Variants in GLT8D2 observed in about 807,000 individuals in gnomAD.
GLT8D2 encodes glycosyltransferase 8 domain containing 2, also known as glycosyltransferase 8 domain-containing protein 2.
Under a neutral mutation model 44.5 loss-of-function variants are expected in GLT8D2, and 45 were observed. The ratio of observed to expected loss-of-function variants is 1.01; its 90% CI spans 0.80 to 1.30. The LOEUF (loss-of-function observed/expected upper bound fraction) is 1.30. GLT8D2 is among the 50% of genes most tolerant of loss of function. The pLI is 0.00. For missense variants in GLT8D2, 400 were observed against 430.4 expected, an observed-to-expected ratio of 0.93 and a Z score of 0.62; for synonymous variants, 156 against 157.2, an observed-to-expected ratio of 0.99 and a Z score of 0.06.
intron 8 of GLT8D2, among the ~76,000 whole-genome samples, chr12:103,994,907 A>G (rs1392188331): frequency 2.0e-5 from 3 of 151,926 alleles, no homozygotes; most frequent in African/African-American, 4.8e-5. Flanking sequence ...CCTATCCCAA[A>G]CCTGCTTCCC....
At chr12:104,004,991 G>C (rs1422704421) in intron 4 of GLT8D2, among the ~76,000 whole-genome samples, 2 of 152,120 alleles carry the variant, frequency 1.3e-5, no homozygotes, top group African/African-American at 2.4e-5. Context: ...ATACTACAAG[G>C]CTACAGTAAT....
intron 1 of GLT8D2, among the ~76,000 whole-genome samples, chr12:104,039,967 T>C (rs1214430769): frequency 6.6e-6 from 1 of 152,148 alleles, no homozygotes. Context: ...TATGCAGCCA[T>C]AAAAAAGGTG....
intron 10 of GLT8D2, 21 bp downstream of exon 10, chr12:103,993,371 C>G: frequency 6.4e-7 from 1 of 1,557,838 alleles, no homozygotes; most frequent in Non-Finnish European, 8.9e-7. Context: ...TTTTTCTAAA[C>G]AGTTTTTCTG....
At chr12:104,039,361 C>G (rs1880287123) in intron 1 of GLT8D2, among the ~76,000 whole-genome samples, 1 of 152,098 alleles carries the variant, frequency 6.6e-6, no homozygotes, top group Non-Finnish European at 1.5e-5. Flanking sequence ...AATAGGCAAC[C>G]TACACAATGG....
At chr12:104,011,134 T>C (rs1300408302) in intron 4 of GLT8D2, among the ~76,000 whole-genome samples, 2 of 152,204 alleles carry the variant, frequency 1.3e-5, no homozygotes, top group Non-Finnish European at 2.9e-5. Flanking sequence ...CTGGACAGAA[T>C]GAAGGACAAA....
At chr12:104,016,747 GAAAGAAAGAAAGAAAGAAAGAAA>G (rs1876737128) in intron 3 of GLT8D2, among the ~76,000 whole-genome samples, 1 of 100,494 alleles carries the variant, frequency 1.0e-5, no homozygotes, top group Admixed American at 1.2e-4. Context: ...AAGAAAGAAA[GAAAGAAAGAAAGAAAGAAAGAAA>G]GAAAGAAGGA....
At position 103,997,586 on chromosome 12, in the gene GLT8D2, T is replaced by G. The variant is rs750050968; in HGVS notation, c.403-51A>C. On this transcript the variant is annotated intron_variant, in intron 6 of 10. Transcript: ENST00000360814. ...GGTGGGGGAGAGGCATATGGCTTAGTGTCTTCTGGGGGTACTGGAGAGTCG... is the reference window on the plus strand; with the variant it reads ...GGTGGGGGAGAGGCATATGGCTTAGGGTCTTCTGGGGGTACTGGAGAGTCG... 6.9e-6 allele frequency: 9 copies of G among 1,303,488 alleles called. No homozygotes were observed. In the South Asian group the frequency reaches 8.3e-5, roughly 12 times the overall value. 80.7% of individuals were successfully genotyped at this position (1,303,488 alleles called of 1,614,324 possible).
At chr12:104,030,690 G>A (rs1879135994) in intron 1 of GLT8D2, 17 of 1,592,936 alleles carry the variant, frequency 1.1e-5, no homozygotes, top group Non-Finnish European at 1.5e-5. Flanking sequence ...CAACTCAATA[G>A]CAAAAAAACA....
chr12:104,044,442 A>G (rs1880875555), intron 1 of GLT8D2, among the ~76,000 whole-genome samples: 1 of 152,242 alleles, frequency 6.6e-6, no homozygotes, highest in Non-Finnish European at 1.5e-5. Context: ...ATAAGCCCTC[A>G]GAAAACATTT....
intron 2 of GLT8D2, 117 bp downstream of exon 2, chr12:104,021,240 G>A: frequency 6.6e-6 from 1 of 152,218 alleles, no homozygotes; most frequent in Non-Finnish European, 1.5e-5. Flanking sequence ...GGGATGGCTA[G>A]GTGAGAGCAG....
intron 1 of GLT8D2, among the ~76,000 whole-genome samples, chr12:104,056,913 A>G (rs1383622095): frequency 6.6e-6 from 1 of 152,236 alleles, no homozygotes; most frequent in African/African-American, 2.4e-5. Flanking sequence ...TCTCCAAGTA[A>G]CATTGTAAAA....
At chr12:103,992,285 A>G (rs1872835274) in intron 10 of GLT8D2, among the ~76,000 whole-genome samples, 2 of 152,218 alleles carry the variant, frequency 1.3e-5, no homozygotes, top group South Asian at 4.1e-4. Context: ...AGTGAGTAAA[A>G]GACTTAGAGA....
chr12:104,038,480 A>G lies in GLT8D2; in HGVS notation c.-164+11415T>C, dbSNP rs564114573. Among the ~76,000 whole-genome samples the G allele has an allele frequency of 8.2e-3, 1,248 of 152,302 alleles. 22 individuals carry two copies. The highest frequency in any genetic ancestry group is 0.028 in the African/African-American group (1,145 of 41,544). On this transcript the variant is annotated intron_variant, in intron 1 of 10. Transcript: ENST00000360814. ...TACAAAATCAATGTGCAAAAATCAC[A>G]AGCATTCCTATACACCAATAACAGA...
chr12:104,031,336 T>C, intron 1 of GLT8D2: 2 of 1,595,872 alleles, frequency 1.3e-6, no homozygotes, highest in Non-Finnish European at 1.7e-6. Context: ...TTGCAGCCCA[T>C]GGCAACAGCC....
chr12:104,063,478 C>T (rs916286520), intron 1 of GLT8D2, among the ~76,000 whole-genome samples: 1 of 152,108 alleles, frequency 6.6e-6, no homozygotes, highest in Non-Finnish European at 1.5e-5. Context: ...CCCAGGAGCT[C>T]GAGCTTGCAG....
At chr12:104,041,023 T>C (rs888322604) in intron 1 of GLT8D2, among the ~76,000 whole-genome samples, 2 of 152,122 alleles carry the variant, frequency 1.3e-5, no homozygotes, top group Non-Finnish European at 2.9e-5. Context: ...TCCCAGCACC[T>C]TGGGAGGCCT....
intron 4 of GLT8D2, among the ~76,000 whole-genome samples, chr12:104,005,090 C>G (rs938785714): frequency 3.9e-5 from 6 of 152,114 alleles, no homozygotes; most frequent in African/African-American, 1.4e-4. Flanking sequence ...CATCTACAAC[C>G]ATCTGATCTT....
In GLT8D2 at chr12:103,999,433, G is replaced by A. The variant is rs1365741912; in HGVS notation, c.366C>T (p.Ile122=). The change falls in exon 6 of 11, where the codon ATC becomes ATT. Residue 122 remains isoleucine (I), a synonymous_variant. Transcript: ENST00000360814. ...ATTCAGGCCTCGATGAGTCTGGTCT[G>A]ATCTTCCCTTTGAGGACCATCGGGT... ...EFNPMVLKGK[I]RPDSSRPELL... is the part of the protein sequence containing the mutation. 1.2e-6 allele frequency: 2 copies of A among 1,612,742 alleles called. No homozygotes were observed. The highest frequency in any genetic ancestry group is 1.3e-5 in the African/African-American group (1 of 74,878).
At chr12:104,004,665 A>G (rs1037196325) in intron 4 of GLT8D2, among the ~76,000 whole-genome samples, 1 of 152,238 alleles carries the variant, frequency 6.6e-6, no homozygotes, top group Non-Finnish European at 1.5e-5. Flanking sequence ...TAGGAATCCA[A>G]CTTACGAGAG....
Sources: allele counts gnomAD v4.1 joint callset (sites outside exome capture counted in the v4.1 genomes callset), GRCh38; gene constraint gnomAD v4.1.1; transcripts MANE v1.5; gene names NCBI Gene and HGNC (gene_info 2026-07-23, HGNC 2026-07-21).